Variants in PTGFRN observed in about 807,000 individuals in gnomAD.
The protein encoded by PTGFRN is prostaglandin F2 receptor negative regulator.
A neutral mutation model predicts 83.2 loss-of-function variants in PTGFRN; 35 were observed. The ratio of observed to expected loss-of-function variants is 0.42; its 90% CI spans 0.32 to 0.56. PTGFRN has a LOEUF of 0.56. Ranked by LOEUF, PTGFRN falls within the 20% of genes least tolerant of loss-of-function variation. The probability of loss-of-function intolerance (pLI) is 0.11; values close to 1 mark genes in which losing one functional copy is unlikely to be tolerated. For synonymous variants in PTGFRN, 519 were observed against 498.6 expected (o/e 1.04, Z -0.55); for missense variants, 1,051 against 1,179.5 (o/e 0.89, Z 1.60).
rs1400093432 is a variant in PTGFRN at position 116,943,108 on chromosome 1, T to A, written c.418+1025T>A. 3.3e-5 allele frequency among the ~76,000 whole-genome samples: 5 copies of A among 152,184 alleles called. 1 individual carries two copies. Among genetic ancestry groups the A allele is most frequent in the Non-Finnish European group, 7.3e-5 (5 of 68,028 alleles). ...ATTATCAGAAAGTAGAAAATGCACA[T>A]GATGATATAAAAAGCGAGGGTTGAT... On this transcript the variant is annotated intron_variant, in intron 2 of 8. Transcript: ENST00000393203.
intron 1 of PTGFRN, among the ~76,000 whole-genome samples, chr1:116,932,567 C>A (rs1377686952): frequency 6.6e-6 from 1 of 152,138 alleles, no homozygotes; most frequent in Non-Finnish European, 1.5e-5. Flanking sequence ...CTTAAAATAA[C>A]AAAGGTAGTA....
chr1:116,941,627 T>C lies in PTGFRN; in HGVS notation c.50-88T>C. 6.7e-7 allele frequency: 1 copy of C among 1,495,990 alleles called. No homozygotes were observed. The highest frequency in any genetic ancestry group is 8.9e-7 in the Non-Finnish European group (1 of 1,121,520). 92.7% of individuals were successfully genotyped at this position (1,495,990 alleles called of 1,614,324 possible). ...GGCTGTCACGTTTCTGCCATGCCTG[T>C]GAGCAGGAGCATCCACAGGTTTGCC... On this transcript the variant is annotated intron_variant, in intron 1 of 8. Coordinates refer to ENST00000393203, the MANE Select transcript of PTGFRN (RefSeq NM_020440.4). This position sits in a 1 kb window ranked among gnomAD's most constrained non-coding sequence, Gnocchi z 5.0.
At chr1:116,936,873 C>T (rs1032371547) in intron 1 of PTGFRN, among the ~76,000 whole-genome samples, 25 of 151,718 alleles carry the variant, frequency 1.6e-4, no homozygotes, top group African/African-American at 5.8e-4. Flanking sequence ...CAGCAATGGA[C>T]AAAACAAAAA....
chr1:116,965,083 C>A (rs1056000783), intron 5 of PTGFRN, among the ~76,000 whole-genome samples: 6 of 152,102 alleles, frequency 3.9e-5, no homozygotes, highest in African/African-American at 1.4e-4. Flanking sequence ...GGTCACATTA[C>A]CTTCTGGCCT....
At chr1:116,964,469 C>A (rs1252423660) in intron 5 of PTGFRN, among the ~76,000 whole-genome samples, 2 of 152,156 alleles carry the variant, frequency 1.3e-5, no homozygotes, top group Admixed American at 1.3e-4. Flanking sequence ...GGCTTCTGTT[C>A]ATTTTTTGGA....
rs1242585666 is a variant in PTGFRN at position 116,958,240 on chromosome 1, G to A, written c.1214-3003G>A. Among the ~76,000 whole-genome samples the A allele has an allele frequency of 6.6e-6, 1 of 152,174 alleles. No homozygotes were observed. The highest frequency in any genetic ancestry group is 1.5e-5 in the Non-Finnish European group (1 of 68,030). On this transcript the variant is annotated intron_variant, in intron 4 of 8. Coordinates refer to ENST00000393203, the MANE Select transcript of PTGFRN (RefSeq NM_020440.4). This position sits in a 1 kb window ranked among gnomAD's most constrained non-coding sequence, Gnocchi z 4.9. ...ACTTCATGGTGTTTTGGATCACACT[G>A]GTCAGTCAGGCTGAGGCGAGGGCCT...
At chr1:116,950,868 G>A (rs561235404) in intron 4 of PTGFRN, among the ~76,000 whole-genome samples, 21 of 152,298 alleles carry the variant, frequency 1.4e-4, no homozygotes, top group Non-Finnish European at 2.1e-4. Context: ...TATTCCTGCC[G>A]TCTGAACCCC....
intron 7 of PTGFRN, among the ~76,000 whole-genome samples, chr1:116,975,595 T>C (rs1651123367): frequency 6.6e-6 from 1 of 152,250 alleles, no homozygotes; most frequent in Admixed American, 6.5e-5. Flanking sequence ...CCTCCACTGC[T>C]GATACCCAGG....
chr1:116,910,030 A>C lies in PTGFRN; in HGVS notation c.-174A>C. On this transcript the variant is annotated 5_prime_UTR_variant, in exon 1 of 9. Coordinates refer to ENST00000393203, the MANE Select transcript of PTGFRN (RefSeq NM_020440.4). The stretch of plus-strand genomic sequence containing the variant: ...GAGGCGGGAGGGAGCGAGCGGAGCC[A>C]GGGGCGCACGTACGCCCCAGCGCTG... 4 of 717,004 alleles carry C rather than the reference A, an allele frequency of 5.6e-6. No individual in the cohort carries two copies. The highest frequency in any genetic ancestry group is 3.2e-5 in the East Asian group (1 of 31,690). The allele number at this position is 717,004 out of a possible 1,614,324, so 44.4% of individuals were successfully genotyped here.
At chr1:116,917,507 A>G (rs902915508) in intron 1 of PTGFRN, among the ~76,000 whole-genome samples, 1 of 152,142 alleles carries the variant, frequency 6.6e-6, no homozygotes, top group Non-Finnish European at 1.5e-5. Flanking sequence ...AGAGGAGAGC[A>G]TGGAGAGAGC....
chr1:116,982,414 A>T (rs1651344921), intron 7 of PTGFRN, among the ~76,000 whole-genome samples: 1 of 152,188 alleles, frequency 6.6e-6, no homozygotes, highest in Non-Finnish European at 1.5e-5. Context: ...TTCCTCACAC[A>T]TGCTGTGGGC....
chr1:116,969,050 G>C (rs983084777), intron 6 of PTGFRN, among the ~76,000 whole-genome samples: 1 of 149,634 alleles, frequency 6.7e-6, no homozygotes, highest in Non-Finnish European at 1.5e-5. Context: ...TCTGTGTGTT[G>C]TCTTTCACTT....
chr1:116,941,663 T>G lies in PTGFRN; in HGVS notation c.50-52T>G. On this transcript the variant is annotated intron_variant, in intron 1 of 8. Transcript: ENST00000393203. This position sits in a 1 kb window ranked among gnomAD's most constrained non-coding sequence, Gnocchi z 5.0. ...ATCCACAGGTTTGCCACATTTGTCC[T>G]GGGAAGACTTTCTGTGATTAAAGAC... 1 of 1,553,046 alleles carries G rather than the reference T, an allele frequency of 6.4e-7. No individual in the cohort carries two copies. The highest frequency in any genetic ancestry group is 8.7e-7 in the Non-Finnish European group (1 of 1,152,152).
At chr1:116,985,924 C>G (rs1282805709) in intron 8 of PTGFRN, among the ~76,000 whole-genome samples, 2 of 152,152 alleles carry the variant, frequency 1.3e-5, no homozygotes, top group Admixed American at 1.3e-4. Flanking sequence ...TGGAAAATTT[C>G]AGAAAGTACA....
chr1:116,933,659 AGCATGTTTATGTTGCCT>A (rs1414505699), intron 1 of PTGFRN, among the ~76,000 whole-genome samples: 2 of 152,140 alleles, frequency 1.3e-5, no homozygotes, highest in Non-Finnish European at 2.9e-5. Context: ...ATTGGTTGAA[AGCATGTTTATGTTGCCT>A]TCCTATTTGA....
At chr1:116,955,674 C>G (rs1237943967) in intron 4 of PTGFRN, among the ~76,000 whole-genome samples, 1 of 152,182 alleles carries the variant, frequency 6.6e-6, no homozygotes, top group Non-Finnish European at 1.5e-5. Flanking sequence ...AATGCCTGTG[C>G]CCAAAATGAG....
intron 6 of PTGFRN, 103 bp downstream of exon 6, chr1:116,967,433 C>T (rs1650873410): frequency 8.4e-7 from 1 of 1,189,094 alleles, no homozygotes; most frequent in Non-Finnish European, 1.2e-6. Context: ...AGATGCAATT[C>T]ATATGCCATA....
chr1:116,963,577 G>A (rs1388518838), intron 5 of PTGFRN, among the ~76,000 whole-genome samples: 1 of 152,008 alleles, frequency 6.6e-6, no homozygotes, highest in African/African-American at 2.4e-5. Context: ...AGGGGGTGGG[G>A]AGTGAGGGTT....
intron 7 of PTGFRN, among the ~76,000 whole-genome samples, chr1:116,976,364 T>G (rs1651154804): frequency 6.6e-6 from 1 of 152,042 alleles, no homozygotes; most frequent in African/African-American, 2.4e-5. Context: ...CTTCAGGAAA[T>G]ACAGAGAACG....
Sources: gnomAD v4.1 joint callset for allele counts (sites outside exome capture counted in the v4.1 genomes callset) on GRCh38, gnomAD v4.1.1 for gene constraint, Gnocchi (gnomAD v3.1) non-coding constraint, MANE v1.5 for transcripts, NCBI Gene and HGNC (gene_info 2026-07-23, HGNC 2026-07-21) for gene names.